Variants in TMEM235 observed in about 807,000 individuals in gnomAD.
The protein encoded by TMEM235 is transmembrane protein 235, also known as claudin-27.
Under a neutral mutation model 22.9 loss-of-function variants are expected in TMEM235, and 23 were observed. That is an observed-to-expected ratio of 1.00 (90% CI 0.72 to 1.42). TMEM235 has a LOEUF of 1.42. TMEM235 is among the 40% of genes most tolerant of loss of function. The pLI, the probability that TMEM235 is intolerant of heterozygous loss-of-function variation, is 0.00. For missense variants in TMEM235, 308 were observed against 299.5 expected, an observed-to-expected ratio of 1.03 and a Z score of -0.21; for synonymous variants, 137 against 140.5, an observed-to-expected ratio of 0.98 and a Z score of 0.17.
exon 6 of TMEM235, chr17:78,240,907 T>A (rs2081116676): frequency 6.6e-6 from 1 of 152,216 alleles, no homozygotes; most frequent in Admixed American, 6.5e-5. Flanking sequence ...GTATAAGCCT[T>A]TTATTTTTCT....
intron 2 of TMEM235, among the ~76,000 whole-genome samples, chr17:78,233,385 C>T (rs1217806928): frequency 6.6e-6 from 1 of 152,236 alleles, no homozygotes; most frequent in Non-Finnish European, 1.5e-5. Flanking sequence ...AAACATGCAC[C>T]TGTGCAGGCA....
At chr17:78,234,690 G>C in exon 4 of TMEM235, 1 of 1,536,192 alleles carries the variant, frequency 6.5e-7, no homozygotes, top group Non-Finnish European at 8.7e-7. Flanking sequence ...CCCAGAGCGT[G>C]TCTCTGCTGC....
chr17:78,236,691 C>T (rs1333764593), intron 4 of TMEM235, among the ~76,000 whole-genome samples: 4 of 152,360 alleles, frequency 2.6e-5, no homozygotes, highest in East Asian at 1.9e-4. Flanking sequence ...CCGAGCCAGG[C>T]CCTGATGTCT....
Position 78,238,636 on chromosome 17 carries a change from GGGGCCATGGA to G in TMEM235, c.410-384_410-375del, listed in dbSNP as rs1567875982. On this transcript the variant is annotated intron_variant, in intron 4 of 5. Transcript: ENST00000421688. The surrounding 1 kb of genome is among the most constrained non-coding windows in gnomAD (Gnocchi z 4.3). Reference sequence around the variant, plus strand: ...GGTGTGCATGTGCATGTGTGTGCTGGGGGCCATGGAGGGTACAGAGTGTGTGGGGGGCAGT... The same window carrying G: ...GGTGTGCATGTGCATGTGTGTGCTGGGGGTACAGAGTGTGTGGGGGGCAGT... Among the ~76,000 whole-genome samples the G allele has an allele frequency of 6.6e-6, 1 of 151,336 alleles. No homozygotes were observed. The highest frequency in any genetic ancestry group is 2.1e-4 in the South Asian group (1 of 4,794).
rs1407291870 is a variant in TMEM235, at chr17:78,231,860, G to A, written c.-164G>A. On this transcript the variant is annotated 5_prime_UTR_variant, in exon 2 of 6. Coordinates refer to ENST00000421688, the Ensembl canonical transcript of TMEM235. ...GGGTCGATCTCCCTGCGACCCCAGG[G>A]GGCCCGCGAGGCCAGTGCGCGGGCA... 13 of 1,152,344 alleles carry A rather than the reference G, an allele frequency of 1.1e-5. No homozygotes were observed. The East Asian group carries it at 8.2e-4, about 73-fold the overall frequency. 71.4% of individuals were successfully genotyped at this position (1,152,344 alleles called of 1,614,324 possible).
chr17:78,234,599 A>C lies in TMEM235; in HGVS notation c.278A>C (p.His93Pro), dbSNP rs2076621808. Reference sequence around the variant, plus strand: ...TGAGCCCCCTTTCCTGCAGTGCTGCACCGTGCAGTCATTGTGGTCCTGCCC... The same window carrying C: ...TGAGCCCCCTTTCCTGCAGTGCTGCCCCGTGCAGTCATTGTGGTCCTGCCC... Residue 93 changes from histidine to proline, a missense_variant, in exon 4 of 6, where the codon CAC becomes CCC. Physicochemically the swap from His to Pro is moderately conservative, Grantham distance 77. Around this residue, in one of 2 missense-constraint regions of TMEM235, gnomAD observed 285 missense variants for 256.2 expected, o/e 1.11. Coordinates refer to ENST00000421688, the Ensembl canonical transcript of TMEM235. The C allele has an allele frequency of 3.9e-6, 6 of 1,536,022 alleles. No homozygotes were observed. In the South Asian group the frequency reaches 7.1e-5, roughly 18 times the overall value.
Position 78,237,639 on chromosome 17 carries a change from T to TACAGGCAGAG in TMEM235, c.410-1367_410-1358dup, listed in dbSNP as rs147527104. Reference sequence around the variant, plus strand: ...CTTGGGCTGCAGCTGCAGCCAGTGCTACAGGCAGAGACAGGCAGAGACAGG... The same window carrying TACAGGCAGAG: ...CTTGGGCTGCAGCTGCAGCCAGTGCTACAGGCAGAGACAGGCAGAGACAGGCAGAGACAGG... On this transcript the variant is annotated intron_variant, in intron 4 of 5. Transcript: ENST00000421688. The surrounding 1 kb of genome is among the most constrained non-coding windows in gnomAD (Gnocchi z 4.7). 1.6e-4 allele frequency among the ~76,000 whole-genome samples: 24 copies of TACAGGCAGAG among 151,860 alleles called. No individual in the cohort carries two copies. Among genetic ancestry groups the TACAGGCAGAG allele is most frequent in the African/African-American group, 1.7e-4 (7 of 41,338 alleles).
At chr17:78,232,093 G>C in exon 2 of TMEM235, 1 of 1,466,210 alleles carries the variant, frequency 6.8e-7, no homozygotes. Flanking sequence ...GCTCCTGGCC[G>C]CCGCGGTCGC....
chr17:78,231,600 C>T lies in TMEM235; in HGVS notation c.-424C>T, dbSNP rs750824272. 25 of 1,303,364 alleles carry T rather than the reference C, an allele frequency of 1.9e-5. No homozygotes were observed. In the South Asian group the frequency reaches 2.7e-4, roughly 14 times the overall value. 80.7% of individuals were successfully genotyped at this position (1,303,364 alleles called of 1,614,324 possible). A position where few individuals can be genotyped will look rare whatever the true frequency, so the allele number is the denominator to read the frequency against. ...GCCTGGCCGGCCATCCTCCTGGGGT[C>T]GGTCTCTGGCCGATCCTCCCTCCTC... On this transcript the variant is annotated 5_prime_UTR_variant, in exon 2 of 6. Transcript: ENST00000421688.
At chr17:78,231,792 T>C in exon 2 of TMEM235, 1 of 1,217,534 alleles carries the variant, frequency 8.2e-7, no homozygotes, top group South Asian at 1.5e-5. Context: ...CTCGACTTCC[T>C]CTCCTTTCCC....
intron 4 of TMEM235, among the ~76,000 whole-genome samples, chr17:78,235,599 G>GT (rs71160277): frequency 0.1 from 11,962 of 118,650 alleles, 1,072 homozygotes; most frequent in African/African-American, 0.18. Flanking sequence ...GTGCTACATA[G>GT]TTTTTTTTTT....
chr17:78,231,942 C>A, exon 2 of TMEM235: 1 of 1,019,642 alleles, frequency 9.8e-7, no homozygotes, highest in Non-Finnish European at 1.2e-6. Context: ...GCCCCCCGTC[C>A]CCCGGCTCCC....
chr17:78,233,040 TG>T (rs1374225661), intron 2 of TMEM235, among the ~76,000 whole-genome samples: 1 of 152,226 alleles, frequency 6.6e-6, no homozygotes, highest in Non-Finnish European at 1.5e-5. Context: ...GCACATGTGC[TG>T]GTGGCTTCCT....
chr17:78,232,173 G>T, exon 2 of TMEM235: 7 of 1,493,524 alleles, frequency 4.7e-6, no homozygotes, highest in Non-Finnish European at 6.2e-6. Context: ...GGCGCGCAGA[G>T]CTGCTCTCCT....
At chr17:78,233,155 G>A (rs1368309624) in intron 2 of TMEM235, among the ~76,000 whole-genome samples, 1 of 152,138 alleles carries the variant, frequency 6.6e-6, no homozygotes, top group African/African-American at 2.4e-5. Context: ...GTGTGCACAC[G>A]CCTGTGCCTA....
At chr17:78,234,828 C>T in intron 4 of TMEM235, 98 bp downstream of exon 3, 1 of 1,469,102 alleles carries the variant, frequency 6.8e-7, no homozygotes, top group Non-Finnish European at 9.1e-7. Flanking sequence ...TCGTCCCCTG[C>T]TCCCTTCTGG....
exon 5 of TMEM235, chr17:78,239,217 C>T: frequency 6.5e-7 from 1 of 1,543,268 alleles, no homozygotes; most frequent in Non-Finnish European, 8.7e-7. Context: ...CTGCCTGGAC[C>T]CTCAGCCTGA....
At chr17:78,236,932 C>T (rs766085194) in intron 4 of TMEM235, among the ~76,000 whole-genome samples, 6 of 152,224 alleles carry the variant, frequency 3.9e-5, no homozygotes, top group East Asian at 1.9e-4. Flanking sequence ...CCTGACCCTG[C>T]GGCCCATCTG....
chr17:78,233,869 C>T (rs2076611982), intron 2 of TMEM235, 26 bp from the exon 2 acceptor site: 6 of 1,535,458 alleles, frequency 3.9e-6, no homozygotes, highest in Middle Eastern at 3.4e-4. Flanking sequence ...GTCCAGGCCC[C>T]AGGCTTCGAG....
Sources: gnomAD v4.1 joint callset for allele counts (sites outside exome capture counted in the v4.1 genomes callset) on GRCh38, gnomAD v4.1.1 for gene constraint, gnomAD v4.1.1 regional missense constraint, Gnocchi (gnomAD v3.1) non-coding constraint, MANE v1.5 for transcripts, NCBI Gene and HGNC (gene_info 2026-07-23, HGNC 2026-07-21) for gene names.